Variants in USP37 observed in about 807,000 individuals in gnomAD.
The protein encoded by USP37 is ubiquitin carboxyl-terminal hydrolase 37.
USP37 carries 27 observed loss-of-function variants against 124.0 expected under a neutral mutation model. That is an observed-to-expected ratio of 0.22 (90% CI 0.16 to 0.30). The LOEUF is 0.30. Among genes scored for constraint, USP37 ranks in the 10% least tolerant of loss-of-function variants. The pLI is 1.00. For synonymous variants in USP37, 365 were observed against 388.0 expected, an observed-to-expected ratio of 0.94 and a Z score of 0.70; for missense variants, 889 against 1,140.4, an observed-to-expected ratio of 0.78 and a Z score of 3.17.
chr2:218,556,566 T>G (rs58514060), intron 4 of USP37, among the ~76,000 whole-genome samples: 3,978 of 128,966 alleles, frequency 0.031, 191 homozygotes, highest in African/African-American at 0.11. Context: ...CAGGCTGGAG[T>G]GCAATGGTGA....
Position 218,505,551 on chromosome 2 carries a change from C to T in USP37, c.1025+4428G>A, listed in dbSNP as rs184385298. Among the ~76,000 whole-genome samples, 4 of 152,264 alleles carry T rather than the reference C, an allele frequency of 2.6e-5. No homozygotes were observed. In the East Asian group the frequency reaches 5.8e-4, roughly 22 times the overall value. On this transcript the variant is annotated intron_variant, in intron 11 of 25. Coordinates refer to ENST00000258399, the MANE Select transcript of USP37 (RefSeq NM_020935.3). ...TTTCTCTAGCTTGCATATTTGACAT[C>T]TTGGCTTGGCATGAAATCTTTGTTT...
At chr2:218,553,068 T>C (rs1336111716) in intron 5 of USP37, among the ~76,000 whole-genome samples, 3 of 152,272 alleles carry the variant, frequency 2.0e-5, no homozygotes, top group African/African-American at 7.2e-5. Context: ...TTTGGATGCC[T>C]GTTATTTCCT....
intron 20 of USP37, among the ~76,000 whole-genome samples, chr2:218,474,177 A>C (rs1159060147): frequency 1.3e-5 from 2 of 152,240 alleles, no homozygotes; most frequent in African/African-American, 4.8e-5. Flanking sequence ...AACTGACACA[A>C]ACATATATTA....
At position 218,454,265 on chromosome 2, in the gene USP37, A is replaced by G. The variant is rs948221780; in HGVS notation, c.*665T>C. 4.6e-5 allele frequency: 7 copies of G among 152,692 alleles called. No homozygotes were observed. Among genetic ancestry groups the G allele is most frequent in the African/African-American group, 1.7e-4 (7 of 41,474 alleles). The allele number at this position is 152,692 out of a possible 1,614,324, so 9.5% of individuals were successfully genotyped here. On this transcript the variant is annotated 3_prime_UTR_variant, in exon 26 of 26. Coordinates refer to ENST00000258399, the MANE Select transcript of USP37 (RefSeq NM_020935.3). ...GGGACTGCATGTAAACAGCAAAGAC[A>G]TCACAAATTCATGAAATTTGCAGAC...
At chr2:218,466,773 C>T (rs988092424) in intron 20 of USP37, among the ~76,000 whole-genome samples, 3 of 152,088 alleles carry the variant, frequency 2.0e-5, no homozygotes, top group Admixed American at 6.6e-5. Context: ...CTTGCTCTCT[C>T]ACCCAGGCTG....
chr2:218,563,459 CATA>C (rs1360318350), intron 1 of USP37, among the ~76,000 whole-genome samples: 1 of 152,180 alleles, frequency 6.6e-6, no homozygotes, highest in Admixed American at 6.5e-5. Context: ...AACATTGTTA[CATA>C]ATAATGTCTT....
At chr2:218,500,233 C>T (rs935389965) in intron 11 of USP37, among the ~76,000 whole-genome samples, 1 of 151,852 alleles carries the variant, frequency 6.6e-6, no homozygotes, top group Non-Finnish European at 1.5e-5. Flanking sequence ...TGCCACCACA[C>T]GCAGCTAATG....
chr2:218,474,695 ATATCATCTTCTGCAAATCCGG>A lies in USP37; in HGVS notation c.2213_2233del (p.Thr738_Asp744del). On this transcript the variant is annotated inframe_deletion, in exon 20 of 26. Transcript: ENST00000258399. ...GTCTGGATTTTCTGGCATTTCTTGA[ATATCATCTTCTGCAAATCCGG>A]TATCTGGGCTGCTAGTTGGCTTATC... The A allele has an allele frequency of 6.2e-7, 1 of 1,614,150 alleles. No homozygotes were observed. Among genetic ancestry groups the A allele is most frequent in the Non-Finnish European group, 8.5e-7 (1 of 1,180,026 alleles).
At chr2:218,472,741 C>A (rs771720483) in intron 20 of USP37, among the ~76,000 whole-genome samples, 10 of 152,142 alleles carry the variant, frequency 6.6e-5, no homozygotes, top group Non-Finnish European at 1.0e-4. Flanking sequence ...GCTGGGATTA[C>A]AGGCATGAGC....
intron 10 of USP37, among the ~76,000 whole-genome samples, chr2:218,521,460 C>T (rs988938458): frequency 2.0e-5 from 3 of 152,124 alleles, no homozygotes; most frequent in Admixed American, 6.5e-5. Context: ...GCATGCATTA[C>T]ATATTTGTCC....
intron 11 of USP37, among the ~76,000 whole-genome samples, chr2:218,509,150 T>C (rs922572842): frequency 6.6e-6 from 1 of 152,198 alleles, no homozygotes; most frequent in Non-Finnish European, 1.5e-5. Flanking sequence ...ACTTACATGG[T>C]TGAAAGTTCT....
At chr2:218,511,268 C>A (rs1334849932) in intron 10 of USP37, among the ~76,000 whole-genome samples, 1 of 151,928 alleles carries the variant, frequency 6.6e-6, no homozygotes, top group African/African-American at 2.4e-5. Flanking sequence ...GCCTCCCAAT[C>A]CCAAGTAGCT....
intron 4 of USP37, among the ~76,000 whole-genome samples, chr2:218,555,588 T>A (rs1692924371): frequency 6.6e-6 from 1 of 152,222 alleles, no homozygotes; most frequent in Non-Finnish European, 1.5e-5. Context: ...AAAGCAAAGT[T>A]TGTTCATTAA....
At chr2:218,552,335 GAAGT>G (rs1432801987) in intron 5 of USP37, among the ~76,000 whole-genome samples, 5 of 152,312 alleles carry the variant, frequency 3.3e-5, no homozygotes, top group Admixed American at 2.0e-4. Flanking sequence ...CTACAAAATA[GAAGT>G]AATAGTAAAA....
At chr2:218,499,099 C>G (rs1486944695) in intron 11 of USP37, among the ~76,000 whole-genome samples, 1 of 151,982 alleles carries the variant, frequency 6.6e-6, no homozygotes, top group African/African-American at 2.4e-5. Context: ...ACGGTGAAAC[C>G]CTGTCTCTAC....
chr2:218,459,540 G>A (rs1689889514), intron 23 of USP37, among the ~76,000 whole-genome samples: 1 of 152,198 alleles, frequency 6.6e-6, no homozygotes, highest in South Asian at 2.1e-4. Flanking sequence ...TGCCTTTACT[G>A]AGTTCTTACC....
At chr2:218,514,439 G>C (rs1053230979) in intron 10 of USP37, 3 of 151,792 alleles carry the variant, frequency 2.0e-5, no homozygotes, top group African/African-American at 7.3e-5. Context: ...CCTTCAACTG[G>C]GTTTGTCTGA....
chr2:218,494,611 A>G (rs551662595), intron 14 of USP37, among the ~76,000 whole-genome samples: 4 of 152,338 alleles, frequency 2.6e-5, no homozygotes, highest in Non-Finnish European at 5.9e-5. Context: ...GGTAAAGACT[A>G]TGTGTGAGTC....
chr2:218,486,428 T>C (rs1437661454), intron 15 of USP37: 1 of 152,232 alleles, frequency 6.6e-6, no homozygotes, highest in Non-Finnish European at 1.5e-5. Context: ...TTTGTCTGTT[T>C]GTTTTGACAC....
Sources: allele counts gnomAD v4.1 joint callset (sites outside exome capture counted in the v4.1 genomes callset), GRCh38; gene constraint gnomAD v4.1.1; transcripts MANE v1.5; gene names NCBI Gene and HGNC (gene_info 2026-07-23, HGNC 2026-07-21).